The following TRABD2B variants were observed in gnomAD, a reference collection of about 807,000 sequenced individuals.
TRABD2B encodes metalloprotease TIKI2.
Under a neutral mutation model 40.1 loss-of-function variants are expected in TRABD2B, and 14 were observed. The observed-to-expected ratio is 0.35, with a 90% CI of 0.23 to 0.55. The LOEUF is 0.55. TRABD2B is among the 20% of genes least tolerant of loss of function. The pLI is 0.90. For synonymous variants in TRABD2B, 263 were observed against 277.0 expected (o/e 0.95, Z 0.50); for missense variants, 541 against 648.6 (o/e 0.83, Z 1.80).
At chr1:47,974,618 A>G (rs1645728609) in intron 2 of TRABD2B, among the ~76,000 whole-genome samples, 1 of 152,170 alleles carries the variant, frequency 6.6e-6, no homozygotes, top group African/African-American at 2.4e-5. Context: ...TCACCACTAC[A>G]TTTTCAGCAT....
chr1:47,993,365 T>C (rs1455629929), intron 2 of TRABD2B, among the ~76,000 whole-genome samples: 3 of 152,148 alleles, frequency 2.0e-5, no homozygotes, highest in African/African-American at 7.2e-5. Context: ...GCCCCTCCCT[T>C]CTCTCCTACT....
intron 2 of TRABD2B, among the ~76,000 whole-genome samples, chr1:47,912,713 G>A (rs558166234): frequency 2.8e-4 from 43 of 152,232 alleles, no homozygotes; most frequent in African/African-American, 8.7e-4. Flanking sequence ...GCTTCGTCTC[G>A]GTCACCTCAG....
chr1:47,777,882 C>A (rs1644469483), intron 5 of TRABD2B, among the ~76,000 whole-genome samples: 1 of 152,118 alleles, frequency 6.6e-6, no homozygotes, highest in African/African-American at 2.4e-5. Flanking sequence ...TCGGGCAGCT[C>A]CCAGACTGTG....
At chr1:47,831,655 C>T (rs957333165) in intron 2 of TRABD2B, among the ~76,000 whole-genome samples, 3 of 152,122 alleles carry the variant, frequency 2.0e-5, no homozygotes, top group Non-Finnish European at 2.9e-5. Context: ...ATTTCCAATT[C>T]GAAAGTCGAA....
intron 2 of TRABD2B, among the ~76,000 whole-genome samples, chr1:47,909,773 T>TCCCCC (rs1557651363): frequency 1.3e-3 from 8 of 6,004 alleles, no homozygotes; most frequent in South Asian, 0.037. Context: ...TCCCTTCCCC[T>TCCCCC]CCCCTCCCCT....
chr1:47,984,388 T>C (rs1407312608), intron 2 of TRABD2B, among the ~76,000 whole-genome samples: 1 of 152,210 alleles, frequency 6.6e-6, no homozygotes. Flanking sequence ...AACGTGCACT[T>C]GCGCTCGCGG....
intron 2 of TRABD2B, among the ~76,000 whole-genome samples, chr1:47,908,905 G>A (rs773942524): frequency 3.3e-5 from 5 of 152,220 alleles, no homozygotes; most frequent in African/African-American, 4.8e-5. Flanking sequence ...AAGACATAGC[G>A]GACTTCCTTT....
At chr1:47,774,491 G>GA (rs1323166784) in intron 6 of TRABD2B, among the ~76,000 whole-genome samples, 4 of 152,228 alleles carry the variant, frequency 2.6e-5, no homozygotes, top group African/African-American at 9.6e-5. Flanking sequence ...ATTGCAGGCA[G>GA]AGGTTGGAAG....
At position 47,801,489 on chromosome 1, in the gene TRABD2B, T is replaced by C. The variant is rs189808956; in HGVS notation, c.797A>G (p.Asn266Ser). The change falls in exon 3 of 7, where the codon AAC becomes AGC. Residue 266 changes from asparagine (N) to serine (S), a missense_variant. By Grantham distance (46) the Asn-to-Ser change is conservative. This residue lies in a region of TRABD2B where 369 missense variants were observed against 492.8 expected (regional missense o/e 0.75). Transcript: ENST00000606738. ...NCGDLSAVIF[N>S]HDTSQLPNFI... ...GAGCCTCACCTGGGATGTGTCGTGG[T>C]TGAAGATGACTGCGCTGAGGTCTCC... 35 of 1,536,038 alleles carry C rather than the reference T, an allele frequency of 2.3e-5. 1 individual carries two copies. The African/African-American group carries it at 3.3e-4, about 14-fold the overall frequency.
intron 2 of TRABD2B, among the ~76,000 whole-genome samples, chr1:47,953,097 T>G (rs1645369571): frequency 6.6e-6 from 1 of 150,588 alleles, no homozygotes; most frequent in Non-Finnish European, 1.5e-5. Flanking sequence ...TGCTTTAATT[T>G]TCTTAGCTCC....
intron 2 of TRABD2B, among the ~76,000 whole-genome samples, chr1:47,853,448 T>C (rs1295585304): frequency 3.9e-5 from 6 of 152,154 alleles, no homozygotes; most frequent in African/African-American, 1.4e-4. Context: ...AGGGTGGTGG[T>C]CACTGAACTT....
chr1:47,975,729 C>A (rs1303358724), intron 2 of TRABD2B, among the ~76,000 whole-genome samples: 1 of 152,122 alleles, frequency 6.6e-6, no homozygotes, highest in African/African-American at 2.4e-5. Flanking sequence ...ACAAATCTGG[C>A]CAAACACAAG....
rs762708564 is a variant in TRABD2B, at chr1:47,766,058, C to T, written c.1398G>A (p.Ser466=). The T allele has an allele frequency of 5.3e-5, 37 of 697,316 alleles. No homozygotes were observed. The highest frequency in any genetic ancestry group is 2.3e-4 in the Middle Eastern group (1 of 4,354). The allele number at this position is 697,316 out of a possible 1,614,324, so 43.2% of individuals were successfully genotyped here. Residue 466 remains serine (S), a synonymous_variant, in exon 7 of 7, where the codon TCG becomes TCA. Transcript: ENST00000606738. ...PPLPLQPTHS[S]GTAKPPFQLS... is the part of the protein sequence containing the mutation. ...GCTGGAAGGGGGGCTTGGCGGTCCC[C>T]GAGCTGTGGGTGGGCTGCAGGGGCA...
chr1:47,768,694 G>C (rs1388021867), intron 6 of TRABD2B, among the ~76,000 whole-genome samples: 1 of 152,150 alleles, frequency 6.6e-6, no homozygotes, highest in Non-Finnish European at 1.5e-5. Context: ...AACGTGCTTT[G>C]AACAGTGCCT....
chr1:47,870,756 A>G (rs900381603), intron 2 of TRABD2B, among the ~76,000 whole-genome samples: 7 of 152,198 alleles, frequency 4.6e-5, no homozygotes, highest in Admixed American at 4.6e-4. Context: ...CCTACGTTAA[A>G]TGGGAACAAA....
chr1:47,923,970 A>ATTAG (rs1644938640), intron 2 of TRABD2B, among the ~76,000 whole-genome samples: 1 of 114,226 alleles, frequency 8.8e-6, no homozygotes, highest in South Asian at 2.9e-4. Context: ...ACACACACAC[A>ATTAG]TCCTATTAGT....
chr1:47,784,594 G>C (rs1644569949), intron 4 of TRABD2B, among the ~76,000 whole-genome samples: 1 of 152,242 alleles, frequency 6.6e-6, no homozygotes, highest in South Asian at 2.1e-4. Context: ...ATTAATGCAA[G>C]GGAAACTTTC....
intron 2 of TRABD2B, among the ~76,000 whole-genome samples, chr1:47,944,800 A>T (rs1645237947): frequency 6.6e-6 from 1 of 152,242 alleles, no homozygotes. Flanking sequence ...AGATGTGATA[A>T]GCAGGCTGAT....
chr1:47,929,531 T>A (rs1205029258), intron 2 of TRABD2B, among the ~76,000 whole-genome samples: 2 of 152,184 alleles, frequency 1.3e-5, no homozygotes, highest in African/African-American at 2.4e-5. Context: ...TGGATGTGCA[T>A]AAAAGTGTCA....
Sources: allele counts gnomAD v4.1 joint callset (sites outside exome capture counted in the v4.1 genomes callset), GRCh38; gene constraint gnomAD v4.1.1; regional missense constraint gnomAD v4.1.1; transcripts MANE v1.5; gene names NCBI Gene and HGNC (gene_info 2026-07-23, HGNC 2026-07-21).